GAS7: variants seen among roughly 807,000 people sequenced by gnomAD.
The protein encoded by GAS7 is growth arrest specific 7, also known as growth arrest-specific protein 7.
GAS7 carries 28 observed loss-of-function variants against 71.1 expected under a neutral mutation model. The observed-to-expected ratio is 0.39, with a 90% CI of 0.29 to 0.54. The LOEUF (loss-of-function observed/expected upper bound fraction) is 0.54. Ranked by LOEUF, GAS7 falls within the 20% of genes least tolerant of loss-of-function variation. GAS7 has a pLI of 0.62. For missense variants in GAS7, 436 were observed against 627.8 expected (o/e 0.69, Z 3.27); for synonymous variants, 258 against 245.8 (o/e 1.05, Z -0.46).
At position 10,134,763 on chromosome 17, in the gene GAS7, C is replaced by T. The variant is rs547105191; in HGVS notation, c.183+63445G>A. ...CCTGTGACTATAGCCCTGTGACCGC[C>T]GCTGCAGAGCAGGGCTACCCCCTGG... is the stretch of plus-strand genomic sequence containing the variant. On this transcript the variant is annotated intron_variant, in intron 1 of 13. Coordinates refer to ENST00000432992, the MANE Select transcript of GAS7 (RefSeq NM_201433.2). 4.6e-5 allele frequency among the ~76,000 whole-genome samples: 7 copies of T among 152,104 alleles called. No individual in the cohort carries two copies. The East Asian group carries it at 9.7e-4, about 21-fold the overall frequency.
intron 1 of GAS7, among the ~76,000 whole-genome samples, chr17:10,041,183 G>A (rs903239742): frequency 2.7e-5 from 4 of 149,810 alleles, no homozygotes; most frequent in East Asian, 1.9e-4. Context: ...AAAAGAAGAA[G>A]GTAAAAGCAA....
chr17:10,126,590 A>T (rs2073952800), intron 1 of GAS7, among the ~76,000 whole-genome samples: 1 of 151,556 alleles, frequency 6.6e-6, no homozygotes, highest in African/African-American at 2.4e-5. Flanking sequence ...ACACACATTC[A>T]CACACACACG....
intron 2 of GAS7, among the ~76,000 whole-genome samples, chr17:10,005,184 T>TATGTGCACGCATGCATGTGTGTGC (rs1567880248): frequency 3.0e-5 from 4 of 133,594 alleles, no homozygotes; most frequent in Non-Finnish European, 6.7e-5. Flanking sequence ...CATGTATGTG[T>TATGTGCACGCATGCATGTGTGTGC]ATGTGCACGC....
In GAS7 at chr17:10,006,465, G is replaced by C. The variant is rs1245493468; in HGVS notation, c.304+13312C>G. On this transcript the variant is annotated intron_variant, in intron 2 of 13. Coordinates refer to ENST00000432992, the MANE Select transcript of GAS7 (RefSeq NM_201433.2). Reference sequence around the variant, plus strand: ...CTGCCTCAGCCTCCCGAGTAGCTGGGACTACAGGCGCCTGCCACCATGCCC... The same window carrying C: ...CTGCCTCAGCCTCCCGAGTAGCTGGCACTACAGGCGCCTGCCACCATGCCC... Among the ~76,000 whole-genome samples the C allele has an allele frequency of 2.0e-5, 3 of 151,668 alleles. No homozygotes were observed. The South Asian group carries it at 6.3e-4, about 32-fold the overall frequency.
At chr17:10,112,455 G>C (rs149233951) in intron 1 of GAS7, among the ~76,000 whole-genome samples, 1 of 152,182 alleles carries the variant, frequency 6.6e-6, no homozygotes, top group Non-Finnish European at 1.5e-5. Context: ...ATGGAGTCTA[G>C]CCGGGCGCGG....
At chr17:10,079,777 C>A (rs1218740777) in intron 1 of GAS7, among the ~76,000 whole-genome samples, 1 of 152,174 alleles carries the variant, frequency 6.6e-6, no homozygotes, top group Non-Finnish European at 1.5e-5. Flanking sequence ...CATGGTCACT[C>A]ATATTTAGCT....
intron 9 of GAS7, 33 bp downstream of exon 9, chr17:9,934,133 G>A (rs1349752545): frequency 1.4e-6 from 2 of 1,415,432 alleles, no homozygotes; most frequent in Admixed American, 3.3e-5. Context: ...CAGTGTGTAA[G>A]ACCAACTGAG....
intron 5 of GAS7, among the ~76,000 whole-genome samples, chr17:9,955,432 G>T (rs1464226525): frequency 4.6e-5 from 7 of 152,222 alleles, no homozygotes; most frequent in Non-Finnish European, 1.0e-4. Flanking sequence ...GCCAGCCACA[G>T]TTCTCAGCGT....
intron 1 of GAS7, among the ~76,000 whole-genome samples, chr17:10,168,986 T>A (rs1315987563): frequency 1.5e-5 from 2 of 133,448 alleles, no homozygotes; most frequent in African/African-American, 5.8e-5. Flanking sequence ...AAAAAAAAAA[T>A]TAGTAATTAG....
At chr17:10,117,770 C>T (rs2073873196) in intron 1 of GAS7, among the ~76,000 whole-genome samples, 1 of 152,166 alleles carries the variant, frequency 6.6e-6, no homozygotes, top group Non-Finnish European at 1.5e-5. Flanking sequence ...AACAGCCCGG[C>T]AGCATTGTGG....
intron 1 of GAS7, among the ~76,000 whole-genome samples, chr17:10,194,078 G>A (rs1031887515): frequency 5.3e-5 from 8 of 152,230 alleles, no homozygotes; most frequent in South Asian, 4.1e-4. Flanking sequence ...CAAGTTTAAC[G>A]GTGACCCTCA....
intron 11 of GAS7, among the ~76,000 whole-genome samples, chr17:9,923,864 A>G (rs2067906032): frequency 6.6e-6 from 1 of 152,242 alleles, no homozygotes. Flanking sequence ...GAAACAATCT[A>G]AGAGTCCTAA....
intron 1 of GAS7, among the ~76,000 whole-genome samples, chr17:10,044,381 A>G (rs921357477): frequency 6.6e-6 from 1 of 152,224 alleles, no homozygotes; most frequent in Non-Finnish European, 1.5e-5. Flanking sequence ...AAGTTACTAC[A>G]GTATATACTA....
intron 1 of GAS7, among the ~76,000 whole-genome samples, chr17:10,142,392 A>G (rs1423277660): frequency 6.6e-6 from 1 of 152,188 alleles, no homozygotes; most frequent in Non-Finnish European, 1.5e-5. Context: ...TTTTTGAGAC[A>G]GAGTCTCACT....
chr17:9,920,969 C>T (rs185144621), intron 11 of GAS7, among the ~76,000 whole-genome samples: 23 of 152,184 alleles, frequency 1.5e-4, no homozygotes, highest in African/African-American at 4.6e-4. Context: ...AGGCCCCAGG[C>T]CTAGCTGCGA....
chr17:10,175,795 T>C (rs962273459), intron 1 of GAS7, among the ~76,000 whole-genome samples: 5 of 152,346 alleles, frequency 3.3e-5, no homozygotes, highest in Non-Finnish European at 7.3e-5. Context: ...CTACTACAGC[T>C]GGCCATGCAT....
intron 2 of GAS7, among the ~76,000 whole-genome samples, chr17:10,016,602 C>CAAAAAA (rs1158379710): frequency 1.4e-3 from 117 of 84,434 alleles, no homozygotes; most frequent in South Asian, 2.7e-3. Flanking sequence ...CTGTCTCTAC[C>CAAAAAA]AAAAAAAAAA....
intron 1 of GAS7, among the ~76,000 whole-genome samples, chr17:10,177,143 C>T (rs1327804996): frequency 6.6e-6 from 1 of 152,144 alleles, no homozygotes; most frequent in Admixed American, 6.5e-5. Flanking sequence ...CCATGCAAGC[C>T]AGCAGAAGAA....
At chr17:10,088,220 CAATAATAATAAT>C (rs58029258) in intron 1 of GAS7, among the ~76,000 whole-genome samples, 32 of 137,816 alleles carry the variant, frequency 2.3e-4, no homozygotes, top group African/African-American at 6.5e-4. Flanking sequence ...GACTCTATCT[CAATAATAATAAT>C]AATAATAATA....
Sources: allele counts gnomAD v4.1 joint callset (sites outside exome capture counted in the v4.1 genomes callset), GRCh38; gene constraint gnomAD v4.1.1; transcripts MANE v1.5; gene names NCBI Gene and HGNC (gene_info 2026-07-23, HGNC 2026-07-21).